The following USP33 variants were observed in gnomAD, a reference collection of about 807,000 sequenced individuals.
USP33 encodes the protein ubiquitin specific peptidase 33.
In USP33, 46 loss-of-function variants were observed where a neutral mutation model predicts 124.2. That is an observed-to-expected ratio of 0.37 (90% CI 0.29 to 0.47). USP33 has a LOEUF of 0.47. USP33 is among the 20% of genes least tolerant of loss of function. USP33 has a pLI of 0.99. For synonymous variants in USP33, 350 were observed against 352.3 expected (o/e 0.99, Z 0.07); for missense variants, 851 against 1,070.6 (o/e 0.79, Z 2.86).
At chr1:77,749,564 T>C (rs1055068215) in intron 1 of USP33, among the ~76,000 whole-genome samples, 4 of 152,126 alleles carry the variant, frequency 2.6e-5, no homozygotes, top group South Asian at 2.1e-4. Flanking sequence ...GTATTATTAG[T>C]AGAGATGGGA....
intron 22 of USP33, among the ~76,000 whole-genome samples, chr1:77,698,752 G>A (rs1231936367): frequency 6.7e-6 from 1 of 148,908 alleles, no homozygotes; most frequent in Non-Finnish European, 1.5e-5. Context: ...CACCCCCCTC[G>A]GCCTCCCAAA....
chr1:77,736,583 T>A (rs1032420364), intron 5 of USP33, among the ~76,000 whole-genome samples: 1 of 152,108 alleles, frequency 6.6e-6, no homozygotes, highest in Non-Finnish European at 1.5e-5. Context: ...CTACAATCTC[T>A]CCTGATACTT....
At chr1:77,706,038 T>G (rs1334697789) in intron 21 of USP33, among the ~76,000 whole-genome samples, 1 of 152,226 alleles carries the variant, frequency 6.6e-6, no homozygotes, top group Non-Finnish European at 1.5e-5. Context: ...ATAACACATT[T>G]TGTTTATCCA....
intron 22 of USP33, 58 bp downstream of exon 22, chr1:77,701,311 T>TG (rs1466095822): frequency 3.2e-6 from 4 of 1,251,082 alleles, no homozygotes; most frequent in Non-Finnish European, 4.6e-6. Context: ...CAAGAAATAC[T>TG]TGTCAAACAA....
intron 23 of USP33, 84 bp downstream of exon 23, chr1:77,697,779 A>G: frequency 7.6e-6 from 10 of 1,317,898 alleles, no homozygotes; most frequent in Non-Finnish European, 1.1e-5. Flanking sequence ...TGAATAAAAA[A>G]GTACTATAGA....
In USP33 at chr1:77,697,030, T is replaced by C. The variant is rs1357946639; in HGVS notation, c.*287A>G. The C allele has an allele frequency of 5.2e-6, 1 of 191,866 alleles. No homozygotes were observed. The highest frequency in any genetic ancestry group is 2.3e-5 in the African/African-American group (1 of 42,832). The allele number at this position is 191,866 out of a possible 1,614,324, so 11.9% of individuals were successfully genotyped here. ...CCAGGAGGTGGAGGCTGCAGTGAGC[T>C]GAGGTAACACCACAGCACTCCAGCC... On this transcript the variant is annotated 3_prime_UTR_variant, in exon 24 of 24. Transcript: ENST00000370794.
intron 20 of USP33, 84 bp from the exon 21 acceptor site, chr1:77,711,939 T>C: frequency 8.0e-7 from 1 of 1,255,928 alleles, no homozygotes; most frequent in Non-Finnish European, 1.1e-6. Context: ...CCAGTAAAAA[T>C]AAATCCTCTT....
At chr1:77,756,187 C>T (rs564129396) in intron 1 of USP33, among the ~76,000 whole-genome samples, 1 of 152,208 alleles carries the variant, frequency 6.6e-6, no homozygotes, top group Admixed American at 6.5e-5. Context: ...AAGCAAATCT[C>T]CTGTTTCAGC....
chr1:77,700,655 TTAAC>T (rs1488091386), intron 22 of USP33, among the ~76,000 whole-genome samples: 4 of 151,986 alleles, frequency 2.6e-5, no homozygotes, highest in African/African-American at 9.7e-5. Context: ...ACAAAAAGCT[TTAAC>T]TAGGCATATT....
At chr1:77,740,842 T>A (rs1679038766) in intron 4 of USP33, 35 bp downstream of exon 4, 7 of 1,479,114 alleles carry the variant, frequency 4.7e-6, no homozygotes, top group Non-Finnish European at 5.5e-6. Context: ...GCACTTTTTT[T>A]AACAAGTCTT....
intron 1 of USP33, among the ~76,000 whole-genome samples, chr1:77,749,953 TG>T (rs1680139292): frequency 6.6e-6 from 1 of 152,108 alleles, no homozygotes; most frequent in Non-Finnish European, 1.5e-5. Flanking sequence ...ATAGCTGAGA[TG>T]AAAAAAAGAA....
chr1:77,743,879 C>T (rs1679414765), intron 1 of USP33, among the ~76,000 whole-genome samples: 1 of 152,076 alleles, frequency 6.6e-6, no homozygotes, highest in Non-Finnish European at 1.5e-5. Context: ...CCCTGTAATC[C>T]CAACACTTTG....
Position 77,729,359 on chromosome 1 carries a change from T to C in USP33, c.717+501A>G, listed in dbSNP as rs1201513670. On this transcript the variant is annotated intron_variant, in intron 9 of 23. Transcript: ENST00000370794. ...CCAGCCAGGGCAACATAATGAGACA[T>C]TATCTCTCTTAAAAAAAAAAAAAAA... Among the ~76,000 whole-genome samples, 4 of 144,606 alleles carry C rather than the reference T, an allele frequency of 2.8e-5. No homozygotes were observed. In the Admixed American group the frequency reaches 2.8e-4, roughly 10 times the overall value. The allele number at this position is 144,606 out of a possible 152,430, so 94.9% of individuals were successfully genotyped here.
chr1:77,729,883 T>C lies in USP33; in HGVS notation c.694A>G (p.Thr232Ala), dbSNP rs780237602. Reference sequence around the variant, plus strand: ...ACCTGCTGAGAATACCCCCGAAATGTTGGATTTACAGTTTTAATTCCTTGA... The same window carrying C: ...ACCTGCTGAGAATACCCCCGAAATGCTGGATTTACAGTTTTAATTCCTTGA... Reference protein sequence around the residue: ...LFQGIKTVNPTFRGYSQQDAQ... With the variant: ...LFQGIKTVNPAFRGYSQQDAQ... The change falls in exon 9 of 24, where the codon ACA (threonine) becomes GCA (alanine). Residue 232 changes from threonine to alanine, a missense_variant. Coordinates refer to ENST00000370794, the MANE Select transcript of USP33 (RefSeq NM_201624.3). The C allele has an allele frequency of 7.4e-6, 12 of 1,613,764 alleles. No individual in the cohort carries two copies. Among genetic ancestry groups the C allele is most frequent in the Middle Eastern group, 1.6e-4 (1 of 6,080 alleles).
intron 10 of USP33, among the ~76,000 whole-genome samples, chr1:77,727,744 C>G (rs1677325011): frequency 6.6e-6 from 1 of 152,146 alleles, no homozygotes; most frequent in African/African-American, 2.4e-5. Context: ...ACATTTTAAG[C>G]CAAGATAAGT....
chr1:77,755,276 CA>C (rs1680695338), intron 1 of USP33, among the ~76,000 whole-genome samples: 1 of 152,168 alleles, frequency 6.6e-6, no homozygotes, highest in African/African-American at 2.4e-5. Flanking sequence ...ATGCTATCAC[CA>C]TATTCAAATG....
At chr1:77,745,101 G>A (rs1316736210) in intron 1 of USP33, among the ~76,000 whole-genome samples, 2 of 152,140 alleles carry the variant, frequency 1.3e-5, no homozygotes, top group Admixed American at 6.5e-5. Context: ...ATGAATGTGG[G>A]TGCTCCTGTA....
intron 3 of USP33, 40 bp from the exon 4 acceptor site, chr1:77,740,979 T>C (rs1679053782): frequency 1.5e-6 from 2 of 1,322,448 alleles, no homozygotes; most frequent in Non-Finnish European, 2.1e-6. Context: ...AGGTACTTTA[T>C]AATATACATG....
intron 1 of USP33, among the ~76,000 whole-genome samples, chr1:77,742,455 C>A (rs1486513968): frequency 6.6e-6 from 1 of 152,072 alleles, no homozygotes; most frequent in Non-Finnish European, 1.5e-5. Context: ...TAAATTATAC[C>A]CTCTGGGGGA....
Sources: allele counts gnomAD v4.1 joint callset (sites outside exome capture counted in the v4.1 genomes callset), GRCh38; gene constraint gnomAD v4.1.1; transcripts MANE v1.5; gene names NCBI Gene and HGNC (gene_info 2026-07-23, HGNC 2026-07-21).